ADCY3: variants seen among roughly 807,000 people sequenced by gnomAD.
ADCY3 encodes adenylate cyclase type 3.
ADCY3 carries 70 observed loss-of-function variants against 119.4 expected under a neutral mutation model. The observed-to-expected ratio is 0.59, with a 90% confidence interval of 0.48 to 0.72. The LOEUF (loss-of-function observed/expected upper bound fraction) is 0.72. Ranked by LOEUF, ADCY3 falls within the 30% of genes least tolerant of loss-of-function variation. The pLI, the probability that ADCY3 is intolerant of heterozygous loss-of-function variation, is 0.00. For missense variants in ADCY3, 1,238 were observed against 1,541.6 expected (o/e 0.80, Z 3.30); for synonymous variants, 672 against 621.4 (o/e 1.08, Z -1.21).
At chr2:24,867,791 A>G (rs1325473224) in intron 3 of ADCY3, among the ~76,000 whole-genome samples, 1 of 152,232 alleles carries the variant, frequency 6.6e-6, no homozygotes, top group Non-Finnish European at 1.5e-5. Context: ...ATATAAGTAA[A>G]GAATATTAAT....
In ADCY3 at chr2:24,841,052, T is replaced by TC. The variant is rs1192071100; in HGVS notation, c.1196+206dup. ...CCACAGGCTGGGGGAGCCTCGCAGGTCCCCTGGGCTGTGAGGAAGGTAAGC... is the reference window on the plus strand; with the variant it reads ...CCACAGGCTGGGGGAGCCTCGCAGGTCCCCCTGGGCTGTGAGGAAGGTAAGC... On this transcript the variant is annotated intron_variant, in intron 6 of 21. Transcript: ENST00000679454. This position sits in a 1 kb window ranked among gnomAD's most constrained non-coding sequence, Gnocchi z 5.8. Among the ~76,000 whole-genome samples, 1 of 152,150 alleles carries TC rather than the reference T, an allele frequency of 6.6e-6. No individual in the cohort carries two copies. Among genetic ancestry groups the TC allele is most frequent in the Non-Finnish European group, 1.5e-5 (1 of 68,010 alleles).
At position 24,841,670 on chromosome 2, in the gene ADCY3, G is replaced by A; in HGVS notation, c.957-3C>T. On this transcript the variant is annotated splice_polypyrimidine_tract_variant and splice_region_variant and intron_variant, in intron 4 of 21. Transcript: ENST00000679454. This position sits in a 1 kb window ranked among gnomAD's most constrained non-coding sequence, Gnocchi z 5.8. Reference sequence around the variant, plus strand: ...CCACGATGTCGGCAAAGAGGATGCTGCATGAGGAAGGAACCGTGGGGGTGA... The same window carrying A: ...CCACGATGTCGGCAAAGAGGATGCTACATGAGGAAGGAACCGTGGGGGTGA... 1.9e-6 allele frequency: 3 copies of A among 1,611,954 alleles called. No homozygotes were observed. The highest frequency in any genetic ancestry group is 2.5e-6 in the Non-Finnish European group (3 of 1,178,710).
intron 11 of ADCY3, among the ~76,000 whole-genome samples, chr2:24,832,673 CT>C (rs1669760276): frequency 6.6e-6 from 1 of 152,202 alleles, no homozygotes; most frequent in Admixed American, 6.5e-5. Flanking sequence ...GTCTCTGCAT[CT>C]GGACACGCTG....
At chr2:24,839,698 C>T (rs1275612248) in intron 7 of ADCY3, among the ~76,000 whole-genome samples, 175 bp downstream of exon 7, 2 of 152,186 alleles carry the variant, frequency 1.3e-5, no homozygotes, top group East Asian at 3.9e-4. Flanking sequence ...CAAGGCAGGT[C>T]AGAACGGCCT....
intron 3 of ADCY3, among the ~76,000 whole-genome samples, chr2:24,870,853 C>T (rs1192827348): frequency 6.6e-6 from 1 of 152,218 alleles, no homozygotes; most frequent in Non-Finnish European, 1.5e-5. Flanking sequence ...CCTCAAGAAA[C>T]CTACAAGACA....
At chr2:24,910,555 T>C (rs1663463307) in intron 2 of ADCY3, among the ~76,000 whole-genome samples, 1 of 152,142 alleles carries the variant, frequency 6.6e-6, no homozygotes, top group Middle Eastern at 3.2e-3. Context: ...CCAAATATAA[T>C]CCTTATTTGT....
intron 2 of ADCY3, among the ~76,000 whole-genome samples, chr2:24,901,779 TAA>T (rs5829948): frequency 3.9e-5 from 5 of 128,596 alleles, no homozygotes; most frequent in Admixed American, 8.2e-5. Context: ...ACCTCATCTT[TAA>T]AAAAAAAAAA....
intron 2 of ADCY3, among the ~76,000 whole-genome samples, chr2:24,910,692 C>T (rs1663500037): frequency 1.4e-5 from 2 of 147,294 alleles, no homozygotes; most frequent in South Asian, 4.3e-4. Context: ...GACAGAGTCT[C>T]CCTCTGTCAC....
chr2:24,839,852 C>T, intron 7 of ADCY3, 21 bp downstream of exon 7: 1 of 1,613,622 alleles, frequency 6.2e-7, no homozygotes, highest in Non-Finnish European at 8.5e-7. Flanking sequence ...CTCAAACCTG[C>T]CCCCTTGGAA....
In ADCY3 at chr2:24,898,885, C is replaced by A. The variant is rs940728563; in HGVS notation, c.675+19428G>T. 1.3e-5 allele frequency among the ~76,000 whole-genome samples: 2 copies of A among 152,152 alleles called. No individual in the cohort carries two copies. The highest frequency in any genetic ancestry group is 4.8e-5 in the African/African-American group (2 of 41,412). ...GTTCACACTGGAAACCCTTTCACCG[C>A]CAGAGAACTCCAGCGCGGACGCCAA... On this transcript the variant is annotated intron_variant, in intron 2 of 21. Coordinates refer to ENST00000679454, the MANE Select transcript of ADCY3 (RefSeq NM_004036.5). The surrounding 1 kb of genome is among the most constrained non-coding windows in gnomAD (Gnocchi z 4.3).
Position 24,911,657 on chromosome 2 carries a change from A to AACAC in ADCY3, c.675+6652_675+6655dup, listed in dbSNP as rs1553367741. Among the ~76,000 whole-genome samples, 65 of 138,230 alleles carry AACAC rather than the reference A, an allele frequency of 4.7e-4. 1 individual carries two copies. Among genetic ancestry groups the AACAC allele is most frequent in the Middle Eastern group, 7.0e-3 (2 of 286 alleles). The allele number at this position is 138,230 out of a possible 152,430, so 90.7% of individuals were successfully genotyped here. Reference sequence around the variant, plus strand: ...AGACTCAAAAAAAAAAAAAAAAAAAAACACACACACACACACCACCAAGCC... The same window carrying AACAC: ...AGACTCAAAAAAAAAAAAAAAAAAAAACACACACACACACACACACCACCAAGCC... On this transcript the variant is annotated intron_variant, in intron 2 of 21. Transcript: ENST00000679454.
At chr2:24,889,453 C>T (rs1362714813) in intron 2 of ADCY3, among the ~76,000 whole-genome samples, 3 of 152,206 alleles carry the variant, frequency 2.0e-5, no homozygotes, top group Admixed American at 6.5e-5. Context: ...AAACATATGG[C>T]AGGTACTCAT....
At chr2:24,856,493 G>A (rs569167358) in intron 3 of ADCY3, among the ~76,000 whole-genome samples, 1 of 152,270 alleles carries the variant, frequency 6.6e-6, no homozygotes, top group South Asian at 2.1e-4. Context: ...ACCCCACCAG[G>A]GCGTCCATCA....
Position 24,824,479 on chromosome 2 carries a change from C to T in ADCY3, c.2635G>A (p.Glu879Lys). 6.2e-7 allele frequency: 1 copy of T among 1,614,252 alleles called. No individual in the cohort carries two copies. The highest frequency in any genetic ancestry group is 8.5e-7 in the Non-Finnish European group (1 of 1,180,048). The change falls in exon 17 of 22, where the codon GAA becomes AAA. Residue 879 changes from glutamate (E) to lysine (K), a missense_variant. By Grantham distance (56) the Glu-to-Lys change is moderately conservative. Coordinates refer to ENST00000679454, the MANE Select transcript of ADCY3 (RefSeq NM_004036.5). The part of the protein sequence containing the change: ...LWKIEVHDQK[E>K]RVYEMRRWNE... Reference sequence around the variant, plus strand: ...CAGCGTCGCATCTCATAGACACGTTCCTTCTGGTCGTGGACCTCAATCTTC... The same window carrying T: ...CAGCGTCGCATCTCATAGACACGTTTCTTCTGGTCGTGGACCTCAATCTTC...
chr2:24,860,038 G>C (rs371819113), intron 3 of ADCY3, among the ~76,000 whole-genome samples: 21 of 152,310 alleles, frequency 1.4e-4, no homozygotes, highest in African/African-American at 4.8e-4. Context: ...AACCACACAG[G>C]ACGCGTGTGA....
rs1418193924 is a variant in ADCY3 at position 24,837,025 on chromosome 2, T to C, written c.1554A>G (p.Pro518=). ...CAGGGGAGCTGGACTTTGAGGAAGC[T>C]GGTGCTCCATTGGGCAGGGCCTAGA... The part of the protein sequence containing the change: ...LNGSALPNGA[P]ASSKSSSPAL... The change falls in exon 9 of 22, where the codon CCA becomes CCG. Residue 518 remains proline, a synonymous_variant. Coordinates refer to ENST00000679454, the MANE Select transcript of ADCY3 (RefSeq NM_004036.5). The C allele has an allele frequency of 1.2e-6, 2 of 1,613,926 alleles. No homozygotes were observed. The highest frequency in any genetic ancestry group is 1.7e-6 in the Non-Finnish European group (2 of 1,180,008).
At chr2:24,865,397 G>A (rs1293461331) in intron 3 of ADCY3, among the ~76,000 whole-genome samples, 2 of 151,884 alleles carry the variant, frequency 1.3e-5, no homozygotes, top group Admixed American at 1.3e-4. Flanking sequence ...AGTCGAAATT[G>A]TACCACTGCA....
At chr2:24,827,807 A>G (rs1668833422) in intron 14 of ADCY3, 95 bp downstream of exon 14, 1 of 1,564,670 alleles carries the variant, frequency 6.4e-7, no homozygotes, top group Non-Finnish European at 8.7e-7. Flanking sequence ...CTAGTGGCAG[A>G]AAGCCACCTC....
chr2:24,841,421 C>T lies in ADCY3; in HGVS notation c.1069-35G>A. 1 of 1,607,452 alleles carries T rather than the reference C, an allele frequency of 6.2e-7. No individual in the cohort carries two copies. On this transcript the variant is annotated intron_variant, in intron 5 of 21. Transcript: ENST00000679454. The surrounding 1 kb of genome is among the most constrained non-coding windows in gnomAD (Gnocchi z 5.8). ...GAGGGCCTGGCCTGTGCTCCAGCCC[C>T]TCCTCAGTGAGGGAGGAGTGGCCAA...
Sources: allele counts gnomAD v4.1 joint callset (sites outside exome capture counted in the v4.1 genomes callset), GRCh38; gene constraint gnomAD v4.1.1; non-coding constraint Gnocchi (gnomAD v3.1); transcripts MANE v1.5; gene names NCBI Gene and HGNC (gene_info 2026-07-23, HGNC 2026-07-21).